The following IL15 variants were observed in gnomAD, a reference collection of about 807,000 sequenced individuals.
IL15 encodes the protein interleukin 15.
IL15 carries 11 observed loss-of-function variants against 19.6 expected under a neutral mutation model. The observed-to-expected ratio is 0.56, with a 90% CI of 0.35 to 0.93. The LOEUF is 0.93. Ranked by LOEUF, IL15 falls within the 40% of genes least tolerant of loss-of-function variation. IL15 has a pLI of 0.01. For missense variants in IL15, 197 were observed against 186.5 expected (o/e 1.06, Z -0.33); for synonymous variants, 58 against 59.6 (o/e 0.97, Z 0.12).
intron 2 of IL15, among the ~76,000 whole-genome samples, chr4:141,711,454 GT>G (rs1408243261): frequency 6.6e-6 from 1 of 152,082 alleles, no homozygotes; most frequent in Non-Finnish European, 1.5e-5. Context: ...GATGCTGATA[GT>G]TGTGAGAATA....
At chr4:141,715,383 A>G (rs894424121) in intron 2 of IL15, 1 of 152,154 alleles carries the variant, frequency 6.6e-6, no homozygotes, top group African/African-American at 2.4e-5. Flanking sequence ...AATAGTCTTC[A>G]CTGAGATACC....
Position 141,733,508 on chromosome 4 carries a change from T to A in IL15, c.*660T>A, listed in dbSNP as rs1015892237. On this transcript the variant is annotated 3_prime_UTR_variant, in exon 8 of 8. Coordinates refer to ENST00000320650, the MANE Select transcript of IL15 (RefSeq NM_000585.5). The stretch of plus-strand genomic sequence containing the variant: ...GGTGGTGGTGGCAATAATAAACTTC[T>A]ACTGATAGGTAGAATGGTGTGCAAG... 3 of 152,294 alleles carry A rather than the reference T, an allele frequency of 2.0e-5. No homozygotes were observed. Among genetic ancestry groups the A allele is most frequent in the African/African-American group, 7.2e-5 (3 of 41,468 alleles). 9.4% of individuals were successfully genotyped at this position (152,294 alleles called of 1,614,324 possible). A position where few individuals can be genotyped will look rare whatever the true frequency, so the allele number is the denominator to read the frequency against.
intron 2 of IL15, chr4:141,714,621 C>T (rs1729815468): frequency 6.6e-6 from 1 of 152,260 alleles, no homozygotes. Context: ...GCCCACTGGT[C>T]AGTGCTGAAA....
chr4:141,701,543 C>G (rs1333787026), intron 2 of IL15, among the ~76,000 whole-genome samples: 1 of 152,054 alleles, frequency 6.6e-6, no homozygotes, highest in East Asian at 1.9e-4. Flanking sequence ...GTGATGTATA[C>G]TTTATTTATT....
chr4:141,731,343 C>T (rs1730445742), intron 7 of IL15, among the ~76,000 whole-genome samples: 1 of 152,034 alleles, frequency 6.6e-6, no homozygotes, highest in Non-Finnish European at 1.5e-5. Context: ...TTAAAATGGA[C>T]AAGTGTTTTT....
intron 2 of IL15, among the ~76,000 whole-genome samples, chr4:141,694,027 A>G (rs1289701048): frequency 6.6e-6 from 1 of 152,196 alleles, no homozygotes; most frequent in African/African-American, 2.4e-5. Flanking sequence ...CAATTAATGG[A>G]ACAATGGTGT....
At chr4:141,710,537 A>G (rs866295182) in intron 2 of IL15, among the ~76,000 whole-genome samples, 1 of 152,144 alleles carries the variant, frequency 6.6e-6, no homozygotes, top group Non-Finnish European at 1.5e-5. Context: ...TAATGTTAGT[A>G]TCCATCTCTT....
At chr4:141,666,499 G>A (rs1727991571) in intron 2 of IL15, among the ~76,000 whole-genome samples, 1 of 152,058 alleles carries the variant, frequency 6.6e-6, no homozygotes, top group Non-Finnish European at 1.5e-5. Context: ...GGAGCTACAG[G>A]TGCACACCAC....
intron 2 of IL15, among the ~76,000 whole-genome samples, chr4:141,681,117 A>G (rs535754126): frequency 6.6e-6 from 1 of 152,030 alleles, no homozygotes. Context: ...GTCCTCTTTT[A>G]CCTTAATTGA....
At chr4:141,707,044 A>T (rs1282664233) in intron 2 of IL15, among the ~76,000 whole-genome samples, 1 of 152,112 alleles carries the variant, frequency 6.6e-6, no homozygotes, top group Non-Finnish European at 1.5e-5. Flanking sequence ...TATAATGTGA[A>T]TATTTGTTTG....
intron 2 of IL15, among the ~76,000 whole-genome samples, chr4:141,703,031 T>C (rs1171786847): frequency 6.6e-6 from 1 of 151,518 alleles, no homozygotes; most frequent in Admixed American, 6.6e-5. Context: ...ACAAAGGGAG[T>C]GGGGAGTAGC....
chr4:141,667,764 G>A lies in IL15; in HGVS notation c.-100+11457G>A, dbSNP rs545459952. Reference sequence around the variant, plus strand: ...TTTCTTTTATAATGTGAGGTAATGCGGGGTGTATTTATTTTTTTCTTGGTA... The same window carrying A: ...TTTCTTTTATAATGTGAGGTAATGCAGGGTGTATTTATTTTTTTCTTGGTA... On this transcript the variant is annotated intron_variant, in intron 2 of 7. Coordinates refer to ENST00000320650, the MANE Select transcript of IL15 (RefSeq NM_000585.5). Among the ~76,000 whole-genome samples the A allele has an allele frequency of 1.4e-3, 211 of 152,126 alleles. 2 individuals carry two copies. Among genetic ancestry groups the A allele is most frequent in the African/African-American group, 4.2e-3 (176 of 41,510 alleles).
chr4:141,690,333 C>T (rs563937293), intron 2 of IL15, among the ~76,000 whole-genome samples: 1 of 152,330 alleles, frequency 6.6e-6, no homozygotes, highest in East Asian at 1.9e-4. Flanking sequence ...TGAAGGGCTC[C>T]TCAAGTGCCG....
At chr4:141,663,110 A>G (rs1311510211) in intron 2 of IL15, among the ~76,000 whole-genome samples, 3 of 152,210 alleles carry the variant, frequency 2.0e-5, no homozygotes, top group Admixed American at 6.5e-5. Flanking sequence ...TGTGAACTCT[A>G]TTAAAATAAT....
At chr4:141,703,888 G>A (rs910849668) in intron 2 of IL15, among the ~76,000 whole-genome samples, 8 of 152,034 alleles carry the variant, frequency 5.3e-5, no homozygotes, top group Non-Finnish European at 1.2e-4. Context: ...GTATAGAAAT[G>A]CTGGTGATTT....
At chr4:141,712,902 A>G (rs1464997418) in intron 2 of IL15, among the ~76,000 whole-genome samples, 5 of 151,912 alleles carry the variant, frequency 3.3e-5, no homozygotes, top group Non-Finnish European at 5.9e-5. Context: ...ACATATATTT[A>G]TATACCTTTG....
chr4:141,657,138 A>G (rs1398455883), intron 2 of IL15, among the ~76,000 whole-genome samples: 1 of 152,220 alleles, frequency 6.6e-6, no homozygotes, highest in East Asian at 1.9e-4. Context: ...ACTGTACTGA[A>G]TACTGTAGGC....
chr4:141,711,006 C>T (rs370377021), intron 2 of IL15, among the ~76,000 whole-genome samples: 5 of 151,990 alleles, frequency 3.3e-5, no homozygotes, highest in Non-Finnish European at 7.4e-5. Flanking sequence ...CCTAGCATTG[C>T]GACTGATGAT....
chr4:141,647,985 T>C (rs1727286600), intron 1 of IL15, among the ~76,000 whole-genome samples: 3 of 152,086 alleles, frequency 2.0e-5, no homozygotes, highest in African/African-American at 7.2e-5. Flanking sequence ...TGAGAAACAC[T>C]GCATTCTTAT....
Sources: allele counts gnomAD v4.1 joint callset (sites outside exome capture counted in the v4.1 genomes callset), GRCh38; gene constraint gnomAD v4.1.1; transcripts MANE v1.5; gene names NCBI Gene and HGNC (gene_info 2026-07-23, HGNC 2026-07-21).